Variants in DCTN1 observed in about 807,000 individuals in gnomAD.
The protein encoded by DCTN1 is dynactin subunit 1, also known as 150 kDa dynein-associated polypeptide.
Under a neutral mutation model 161.2 loss-of-function variants are expected in DCTN1, and 61 were observed. The observed-to-expected ratio is 0.38, with a 90% CI of 0.31 to 0.47. The LOEUF is 0.47. DCTN1 is among the 20% of genes least tolerant of loss of function. The pLI is 0.99. For synonymous variants in DCTN1, 653 were observed against 632.4 expected (o/e 1.03, Z -0.49); for missense variants, 1,404 against 1,623.7 (o/e 0.86, Z 2.33).
Position 74,374,328 on chromosome 2 carries a change from G to C in DCTN1, c.427C>G (p.Arg143Gly), listed in dbSNP as rs781290307. The change falls in exon 6 of 32, where the codon CGA becomes GGA. Residue 143 changes from arginine (R) to glycine (G), a missense_variant. By Grantham distance (125) the Arg-to-Gly change is moderately radical. Transcript: ENST00000628224. ...GLKPKKAPTARKTTTRRPKPT... is the reference protein window; with the variant it reads ...GLKPKKAPTAGKTTTRRPKPT... The stretch of plus-strand genomic sequence containing the variant: ...ACGAGAGCAAGCAAGAGTACCTTTC[G>C]GGCTGTCGGTGCCTGTCTCATCATT... The C allele has an allele frequency of 5.0e-6, 8 of 1,612,202 alleles. No individual in the cohort carries two copies. The highest frequency in any genetic ancestry group is 3.3e-5 in the South Asian group (3 of 90,976).
rs775577235 is a variant in DCTN1, at chr2:74,372,922, T to C, written c.453+6A>G. ...CAGTGGCTCACACAGGGGCCTGTTTTCTCACCTTGGGTCGCCGAGTTGTGG... is the reference window on the plus strand; with the variant it reads ...CAGTGGCTCACACAGGGGCCTGTTTCCTCACCTTGGGTCGCCGAGTTGTGG... On this transcript the variant is annotated splice_donor_region_variant and intron_variant, in intron 7 of 31. Coordinates refer to ENST00000628224, the MANE Select transcript of DCTN1 (RefSeq NM_004082.5). 6 of 1,614,084 alleles carry C rather than the reference T, an allele frequency of 3.7e-6. No homozygotes were observed. In the Admixed American group the frequency reaches 6.7e-5, roughly 18 times the overall value.
At chr2:74,374,917 C>T (rs2103699856) in intron 5 of DCTN1, among the ~76,000 whole-genome samples, 2 of 152,302 alleles carry the variant, frequency 1.3e-5, no homozygotes, top group South Asian at 4.1e-4. Context: ...CCAGAAATGG[C>T]ATTCTATGGG....
At position 74,366,274 on chromosome 2, in the gene DCTN1, C is replaced by T; in HGVS notation, c.2730G>A (p.Gly910=). The change falls in exon 23 of 32, where the codon GGG becomes GGA. Residue 910 remains glycine (G), a synonymous_variant. Coordinates refer to ENST00000628224, the MANE Select transcript of DCTN1 (RefSeq NM_004082.5). ...MNKLATAMQE[G]EYDAERPPSK... The stretch of plus-strand genomic sequence containing the variant: ...TGGGGGGCCGCTCTGCATCATACTC[C>T]CCCTCCTGCATGGCTGTGGCCAGCT... 1 of 1,614,210 alleles carries T rather than the reference C, an allele frequency of 6.2e-7. No homozygotes were observed. Among genetic ancestry groups the T allele is most frequent in the Non-Finnish European group, 8.5e-7 (1 of 1,180,032 alleles).
chr2:74,371,571 G>A lies in DCTN1; in HGVS notation c.611C>T (p.Pro204Leu), dbSNP rs1194568783. The A allele has an allele frequency of 1.9e-6, 3 of 1,584,822 alleles. No individual in the cohort carries two copies. Among genetic ancestry groups the A allele is most frequent in the Non-Finnish European group, 1.7e-6 (2 of 1,165,912 alleles). ...PIIPTPVLTS[P>L]GAVPPLPSPS... The stretch of plus-strand genomic sequence containing the variant: ...GGAAGGAAGCGGGGGGACTGCTCCA[G>A]GAGAGGTGAGGACCGGCGTGGGGAT... Residue 204 changes from proline (P) to leucine (L), a missense_variant, in exon 8 of 32, where the codon CCT (proline) becomes CTT (leucine). Pro to Leu is a moderately conservative substitution (Grantham distance 98, BLOSUM62 -3). This residue lies in a region of DCTN1 where 174 missense variants were observed against 175.6 expected (regional missense o/e 0.99). Coordinates refer to ENST00000628224, the MANE Select transcript of DCTN1 (RefSeq NM_004082.5).
chr2:74,368,222 G>A (rs1674570160), intron 16 of DCTN1, 91 bp from the exon 17 acceptor site: 1 of 1,498,204 alleles, frequency 6.7e-7, no homozygotes, highest in Non-Finnish European at 9.1e-7. Flanking sequence ...TAACTATGTG[G>A]GGAGCATGGA....
In DCTN1 at chr2:74,366,539, G is replaced by T; in HGVS notation, c.2548C>A (p.Gln850Lys). The T allele has an allele frequency of 6.2e-7, 1 of 1,614,076 alleles. No individual in the cohort carries two copies. The highest frequency in any genetic ancestry group is 8.5e-7 in the Non-Finnish European group (1 of 1,179,994). ...VLQEVAAAAA[Q>K]LIAPLAENEG... ...TTCTCTGCCAGTGGGGCAATGAGCT[G>T]GGCAGCAGCAGCTGCCACCTCCTGC... is the stretch of plus-strand genomic sequence containing the variant. The change falls in exon 22 of 32, where the codon CAG becomes AAG. Residue 850 changes from glutamine to lysine, a missense_variant. Coordinates refer to ENST00000628224, the MANE Select transcript of DCTN1 (RefSeq NM_004082.5).
Position 74,365,551 on chromosome 2 carries a change from A to G in DCTN1, c.2993T>C (p.Leu998Pro). 1 of 1,614,030 alleles carries G rather than the reference A, an allele frequency of 6.2e-7. No individual in the cohort carries two copies. The highest frequency in any genetic ancestry group is 8.5e-7 in the Non-Finnish European group (1 of 1,180,034). The change falls in exon 25 of 32, where the codon CTG becomes CCG. Residue 998 changes from leucine (L) to proline (P), a missense_variant. Physicochemically the swap from Leu to Pro is moderately conservative, Grantham distance 98. Around this residue, in one of 9 missense-constraint regions of DCTN1, gnomAD observed 475 missense variants for 489.8 expected, o/e 0.97. Coordinates refer to ENST00000628224, the MANE Select transcript of DCTN1 (RefSeq NM_004082.5). The stretch of plus-strand genomic sequence containing the variant: ...TCGCAGCAGTGCCTGGGTCTCCTCC[A>G]GCCGAGTCTGGACTTTCTCGATGCG... ...DERIEKVQTR[L>P]EETQALLRKK...
At chr2:74,362,536 C>G (rs926153679) in intron 30 of DCTN1, 114 bp downstream of exon 30, 2 of 1,107,728 alleles carry the variant, frequency 1.8e-6, no homozygotes, top group African/African-American at 3.1e-5. Flanking sequence ...CCTTCCCTTC[C>G]ATCTCCTCCC....
intron 1 of DCTN1, among the ~76,000 whole-genome samples, chr2:74,379,651 A>C (rs1166908546): frequency 6.6e-6 from 1 of 152,200 alleles, no homozygotes; most frequent in Non-Finnish European, 1.5e-5. Context: ...AAAGAAAGCA[A>C]GTAACAAATA....
chr2:74,380,419 C>A, upstream of DCTN1: 2 of 498,294 alleles, frequency 4.0e-6, no homozygotes, highest in South Asian at 1.6e-5. Context: ...CGCCACAGAC[C>A]CTCAGCACTC....
At chr2:74,378,562 C>G (rs946586879) in intron 1 of DCTN1, among the ~76,000 whole-genome samples, 1 of 152,186 alleles carries the variant, frequency 6.6e-6, no homozygotes, top group Non-Finnish European at 1.5e-5. Context: ...CTCCTTAATT[C>G]TCTTCTCAGG....
intron 6 of DCTN1, among the ~76,000 whole-genome samples, chr2:74,373,977 C>G (rs1322666370): frequency 6.6e-6 from 1 of 152,220 alleles, no homozygotes; most frequent in Non-Finnish European, 1.5e-5. Flanking sequence ...GCAGGCAGGC[C>G]TGCTAGAGGC....
At chr2:74,365,728 T>G (rs533767583) in intron 24 of DCTN1, 71 bp from the exon 25 acceptor site, 5 of 1,613,070 alleles carry the variant, frequency 3.1e-6, no homozygotes, top group East Asian at 4.5e-5. Context: ...GGCTAGACCA[T>G]GAGATAGTAG....
chr2:74,368,639 G>A lies in DCTN1; in HGVS notation c.1854+89C>T. On this transcript the variant is annotated intron_variant, in intron 16 of 31. Transcript: ENST00000628224. ...ATACCATAAACTCTTTGTGGGCAGA[G>A]ACTCTGTTGTCTTCACTCAGCATCT... 3.2e-6 allele frequency: 5 copies of A among 1,575,354 alleles called. No individual in the cohort carries two copies. In the East Asian group the frequency reaches 6.7e-5, roughly 21 times the overall value.
intron 19 of DCTN1, 86 bp downstream of exon 19, chr2:74,367,266 A>T (rs1436682129): frequency 3.2e-6 from 5 of 1,566,344 alleles, no homozygotes; most frequent in African/African-American, 1.4e-5. Context: ...GTCTTATGTG[A>T]CACTTCTTGG....
intron 3 of DCTN1, 57 bp from the exon 4 acceptor site, chr2:74,377,523 A>G: frequency 6.5e-7 from 1 of 1,548,122 alleles, no homozygotes; most frequent in South Asian, 1.1e-5. Flanking sequence ...AGGGGGAGAT[A>G]TAATAAGGGA....
chr2:74,362,455 T>C (rs919335351), intron 30 of DCTN1, among the ~76,000 whole-genome samples, 195 bp downstream of exon 30: 2 of 152,178 alleles, frequency 1.3e-5, no homozygotes, highest in African/African-American at 2.4e-5. Context: ...TTACCCTAGC[T>C]TATCCATTTT....
At chr2:74,391,758 G>C (rs1389901709) in intron 1 of DCTN1, 10 of 452,946 alleles carry the variant, frequency 2.2e-5, no homozygotes, top group Non-Finnish European at 2.7e-5. Context: ...TAGGGGGCCG[G>C]CGGAGCAGAC....
intron 21 of DCTN1, 69 bp from the exon 22 acceptor site, chr2:74,366,689 C>T: frequency 6.2e-7 from 1 of 1,614,034 alleles, no homozygotes; most frequent in Non-Finnish European, 8.5e-7. Flanking sequence ...ACCCCAAAAC[C>T]ATTTTTGTCC....
Sources: allele counts gnomAD v4.1 joint callset (sites outside exome capture counted in the v4.1 genomes callset), GRCh38; gene constraint gnomAD v4.1.1; regional missense constraint gnomAD v4.1.1; transcripts MANE v1.5; gene names NCBI Gene and HGNC (gene_info 2026-07-23, HGNC 2026-07-21).